Variants in LRMDA observed in about 807,000 individuals in gnomAD.
LRMDA encodes leucine rich melanocyte differentiation associated, also known as leucine-rich melanocyte differentiation-associated protein.
Under a neutral mutation model 29.8 loss-of-function variants are expected in LRMDA, and 18 were observed. The ratio of observed to expected loss-of-function variants is 0.60; its 90% CI spans 0.42 to 0.90. The LOEUF (loss-of-function observed/expected upper bound fraction) is 0.90, where lower values mean the gene tolerates loss of function less well. LRMDA is among the 40% of genes least tolerant of loss of function. LRMDA has a pLI of 0.00. For synonymous variants in LRMDA, 125 were observed against 109.4 expected, an observed-to-expected ratio of 1.14 and a Z score of -0.89; for missense variants, 273 against 273.9, an observed-to-expected ratio of 1.00 and a Z score of 0.02.
At chr10:76,489,436 ATT>A (rs1842812071) in intron 6 of LRMDA, among the ~76,000 whole-genome samples, 1 of 151,482 alleles carries the variant, frequency 6.6e-6, no homozygotes, top group Non-Finnish European at 1.5e-5. Context: ...AGGTTTGTCA[ATT>A]TTGTTTACCT....
rs557358644 is a variant in LRMDA, at chr10:76,099,187, G to T, written c.516+40404G>T. ...CATCTAGTCCCCAGGCAAGAAGGAG[G>T]TTTGTTTCAAGAAAGGTCTGTTATT... On this transcript the variant is annotated intron_variant, in intron 5 of 6. Transcript: ENST00000611255. 7.6e-4 allele frequency among the ~76,000 whole-genome samples: 116 copies of T among 152,280 alleles called. 2 individuals carry two copies. The highest frequency in any genetic ancestry group is 1.9e-3 in the South Asian group (9 of 4,814).
At chr10:75,855,002 A>C (rs1844799927) in intron 2 of LRMDA, among the ~76,000 whole-genome samples, 1 of 152,122 alleles carries the variant, frequency 6.6e-6, no homozygotes, top group Non-Finnish European at 1.5e-5. Context: ...AGTCTTTGCT[A>C]TTGTGAATAG....
At chr10:76,221,858 A>G (rs1240654586) in intron 5 of LRMDA, among the ~76,000 whole-genome samples, 5 of 152,008 alleles carry the variant, frequency 3.3e-5, no homozygotes, top group Non-Finnish European at 7.4e-5. Context: ...ACACTACCTG[A>G]CTTCAAACTA....
chr10:76,132,705 TC>T (rs1850015226), intron 5 of LRMDA, among the ~76,000 whole-genome samples: 1 of 152,136 alleles, frequency 6.6e-6, no homozygotes, highest in African/African-American at 2.4e-5. Flanking sequence ...AGTACGAGTA[TC>T]GGAGGAACAA....
intron 2 of LRMDA, among the ~76,000 whole-genome samples, chr10:75,675,886 C>T (rs1376468143): frequency 6.6e-6 from 1 of 152,172 alleles, no homozygotes; most frequent in Non-Finnish European, 1.5e-5. Flanking sequence ...TTCTTCTGCC[C>T]ACTTTAGTTT....
chr10:76,363,585 A>T (rs1425838610), intron 6 of LRMDA, among the ~76,000 whole-genome samples: 3 of 152,108 alleles, frequency 2.0e-5, no homozygotes. Flanking sequence ...GTGGTATGTA[A>T]AATTAGAAAG....
chr10:75,578,762 G>C (rs192110026), intron 2 of LRMDA, among the ~76,000 whole-genome samples: 1 of 151,122 alleles, frequency 6.6e-6, no homozygotes, highest in Non-Finnish European at 1.5e-5. Flanking sequence ...TCACAACTAC[G>C]TGGAAACTGC....
intron 2 of LRMDA, among the ~76,000 whole-genome samples, chr10:75,874,657 C>T (rs573583614): frequency 6.6e-5 from 10 of 152,266 alleles, no homozygotes; most frequent in Non-Finnish European, 1.5e-4. Flanking sequence ...TATTATGGCT[C>T]CATAGTGTAG....
At chr10:76,050,304 TC>T (rs1848508941) in intron 4 of LRMDA, among the ~76,000 whole-genome samples, 1 of 152,174 alleles carries the variant, frequency 6.6e-6, no homozygotes, top group Non-Finnish European at 1.5e-5. Flanking sequence ...CCTCCCAAAT[TC>T]ACCCTTTTCA....
In LRMDA at chr10:76,317,748, A is replaced by G. The variant is rs955560644; in HGVS notation, c.517-6653A>G. Among the ~76,000 whole-genome samples the G allele has an allele frequency of 9.2e-5, 14 of 152,160 alleles. 1 individual carries two copies. The highest frequency in any genetic ancestry group is 3.4e-4 in the African/African-American group (14 of 41,512). ...GCCACCACACCCAGCTAATTTTTGT[A>G]CTTTTAGTAGAGACAAGGTTTCACC... On this transcript the variant is annotated intron_variant, in intron 5 of 6. Coordinates refer to ENST00000611255, the MANE Select transcript of LRMDA (RefSeq NM_001305581.2).
intron 2 of LRMDA, among the ~76,000 whole-genome samples, chr10:75,610,223 C>T (rs1841010292): frequency 6.6e-6 from 1 of 152,144 alleles, no homozygotes; most frequent in African/African-American, 2.4e-5. Context: ...CTATTTAGTT[C>T]CAGCTTTATC....
At chr10:76,072,308 G>C (rs369521479) in intron 5 of LRMDA, among the ~76,000 whole-genome samples, 1 of 152,140 alleles carries the variant, frequency 6.6e-6, no homozygotes, top group South Asian at 2.1e-4. Context: ...AAAGGGGTGT[G>C]ACCTTGGGCA....
intron 2 of LRMDA, among the ~76,000 whole-genome samples, chr10:75,848,384 A>C (rs540916077): frequency 6.6e-6 from 1 of 152,186 alleles, no homozygotes; most frequent in Non-Finnish European, 1.5e-5. Flanking sequence ...GTTGGTGATG[A>C]TGTAGAGTAT....
intron 6 of LRMDA, among the ~76,000 whole-genome samples, chr10:76,442,939 A>T (rs1842318327): frequency 6.6e-6 from 1 of 152,178 alleles, no homozygotes; most frequent in Admixed American, 6.6e-5. Context: ...ATAAGTGAAG[A>T]TTTACTCCAC....
At chr10:76,263,938 C>T (rs1839973373) in intron 5 of LRMDA, among the ~76,000 whole-genome samples, 1 of 152,148 alleles carries the variant, frequency 6.6e-6, no homozygotes, top group South Asian at 2.1e-4. Context: ...GATGGATTTG[C>T]TGTCATCATA....
intron 2 of LRMDA, among the ~76,000 whole-genome samples, chr10:75,818,327 T>C (rs1014518993): frequency 2.6e-5 from 4 of 152,184 alleles, no homozygotes; most frequent in African/African-American, 7.2e-5. Context: ...GTTTCACTGA[T>C]AAAGATAAAT....
rs562801850 is a variant in LRMDA, at chr10:76,140,735, G to C, written c.516+81952G>C. ...AGTTCTCTCATTTGAAGCTTCTCGA[G>C]AAGAATGAACACAATTGCCTTCAAT... On this transcript the variant is annotated intron_variant, in intron 5 of 6. Transcript: ENST00000611255. 1.8e-4 allele frequency among the ~76,000 whole-genome samples: 28 copies of C among 152,132 alleles called. No homozygotes were observed. In the South Asian group the frequency reaches 2.9e-3, roughly 16 times the overall value.
chr10:75,473,347 G>A (rs1844749475), intron 2 of LRMDA, among the ~76,000 whole-genome samples: 1 of 152,230 alleles, frequency 6.6e-6, no homozygotes, highest in Non-Finnish European at 1.5e-5. Context: ...AGGGGGCGGT[G>A]CTGAAGAGCT....
chr10:75,473,821 C>T (rs544643188), intron 2 of LRMDA, among the ~76,000 whole-genome samples: 2 of 152,312 alleles, frequency 1.3e-5, no homozygotes, highest in East Asian at 1.9e-4. Context: ...CATCATCTCA[C>T]CAGGGACCAA....
Sources: gnomAD v4.1 joint callset for allele counts (sites outside exome capture counted in the v4.1 genomes callset) on GRCh38, gnomAD v4.1.1 for gene constraint, MANE v1.5 for transcripts, NCBI Gene and HGNC (gene_info 2026-07-23, HGNC 2026-07-21) for gene names.